DIDO1: variants seen among roughly 807,000 people sequenced by gnomAD.
DIDO1 encodes the protein death-inducer obliterator 1.
Under a neutral mutation model 99.4 loss-of-function variants are expected in DIDO1, and 16 were observed. The observed-to-expected ratio is 0.16, with a 90% CI of 0.11 to 0.24. DIDO1 has a LOEUF of 0.24. DIDO1 is among the 10% of genes least tolerant of loss of function. The pLI, the probability that DIDO1 is intolerant of heterozygous loss-of-function variation, is 1.00. For synonymous variants in DIDO1, 1,366 were observed against 1,239.1 expected (o/e 1.10, Z -2.15); for missense variants, 2,996 against 3,014.0 (o/e 0.99, Z 0.14).
chr20:62,900,087 G>A (rs972316206), intron 6 of DIDO1, among the ~76,000 whole-genome samples: 3 of 152,198 alleles, frequency 2.0e-5, no homozygotes, highest in African/African-American at 7.2e-5. Context: ...CTCTGTCAGG[G>A]TACGAGCCTC....
intron 2 of DIDO1, among the ~76,000 whole-genome samples, chr20:62,912,761 G>C (rs548672732): frequency 6.6e-6 from 1 of 152,374 alleles, no homozygotes; most frequent in South Asian, 2.1e-4. Flanking sequence ...GCCGGGCCTG[G>C]TGGCTCAAGC....
intron 1 of DIDO1, among the ~76,000 whole-genome samples, chr20:62,925,848 C>G (rs1039529631): frequency 1.3e-5 from 2 of 152,206 alleles, no homozygotes; most frequent in Non-Finnish European, 2.9e-5. Flanking sequence ...AAAACCAGCG[C>G]GGGGAGGTAA....
At position 62,896,642 on chromosome 20, in the gene DIDO1, A is replaced by G. The variant is rs2064531857; in HGVS notation, c.1943T>C (p.Met648Thr). The G allele has an allele frequency of 1.2e-6, 2 of 1,614,032 alleles. No individual in the cohort carries two copies. The highest frequency in any genetic ancestry group is 1.7e-6 in the Non-Finnish European group (2 of 1,179,914). ...VRKPVVPSVP[M>T]ASPAPGRLGA... ...AAGGCGTCCTGGGGCTGGCGAGGCC[A>G]TTGGAACAGAAGGTACCACTGGCTT... The change falls in exon 7 of 16, where the codon ATG (methionine) becomes ACG (threonine). Residue 648 changes from methionine (M) to threonine (T), a missense_variant. Physicochemically the swap from Met to Thr is moderately conservative, Grantham distance 81. Around this residue, in one of 5 missense-constraint regions of DIDO1, gnomAD observed 898 missense variants for 972.7 expected, o/e 0.92. Transcript: ENST00000395343. This position sits in a 1 kb window ranked among gnomAD's most constrained non-coding sequence, Gnocchi z 4.4.
At chr20:62,926,905 G>A (rs1395496042), upstream of DIDO1, among the ~76,000 whole-genome samples, 1 of 152,190 alleles carries the variant, frequency 6.6e-6, no homozygotes, top group African/African-American at 2.4e-5. Flanking sequence ...AAGAGGTGTA[G>A]GGGGGCGGGG....
At position 62,893,714 on chromosome 20, in the gene DIDO1, G is replaced by A. The variant is rs901923946; in HGVS notation, c.3053C>T (p.Ser1018Leu). The A allele has an allele frequency of 2.5e-6, 4 of 1,612,460 alleles. No homozygotes were observed. Among genetic ancestry groups the A allele is most frequent in the Non-Finnish European group, 3.4e-6 (4 of 1,178,562 alleles). ...TGACAGGTATCTTGGGTCAGGAGAT[G>A]AGGATGGCTTAGCTAGTATGGACTT... ...VPKSILAKPS[S>L]SPDPRYLSVP... The change falls in exon 12 of 16, where the codon TCA becomes TTA. Residue 1018 changes from serine to leucine, a missense_variant. This residue lies in a region of DIDO1 where 898 missense variants were observed against 972.7 expected (regional missense o/e 0.92). Transcript: ENST00000395343.
rs190741732 is a variant in DIDO1 at position 62,919,307 on chromosome 20, G to A, written c.-199-4901C>T. On this transcript the variant is annotated intron_variant, in intron 1 of 15. Transcript: ENST00000395343. ...TCATGCCTGCACTTCGGGAGGCTGA[G>A]GCAGGTGGATCACCTGAGGTCAGGA... 2.0e-5 allele frequency among the ~76,000 whole-genome samples: 3 copies of A among 152,318 alleles called. No individual in the cohort carries two copies. In the East Asian group the frequency reaches 5.8e-4, roughly 29 times the overall value.
chr20:62,894,101 C>T lies in DIDO1; in HGVS notation c.2666G>A (p.Ser889Asn). 1.2e-6 allele frequency: 2 copies of T among 1,614,234 alleles called. No individual in the cohort carries two copies. Among genetic ancestry groups the T allele is most frequent in the East Asian group, 2.2e-5 (1 of 44,894 alleles). Reference sequence around the variant, plus strand: ...ATCCGGAGCTGGGTCAGGTGCAGAGCTGTCATGCTTTGATTTTAAGTCTTC... The same window carrying T: ...ATCCGGAGCTGGGTCAGGTGCAGAGTTGTCATGCTTTGATTTTAAGTCTTC... ...KKEDLKSKHD[S>N]SAPDPAPDSA... Residue 889 changes from serine to asparagine, a missense_variant, in exon 12 of 16, where the codon AGC (serine) becomes AAC (asparagine). Physicochemically the swap from Ser to Asn is conservative, Grantham distance 46 (BLOSUM62 1). Around this residue, in one of 5 missense-constraint regions of DIDO1, gnomAD observed 898 missense variants for 972.7 expected, o/e 0.92. Coordinates refer to ENST00000395343, the MANE Select transcript of DIDO1 (RefSeq NM_001193369.2). This position sits in a 1 kb window ranked among gnomAD's most constrained non-coding sequence, Gnocchi z 4.4.
intron 6 of DIDO1, among the ~76,000 whole-genome samples, chr20:62,898,392 CTCCT>C (rs1331230140): frequency 1.3e-5 from 2 of 152,230 alleles, no homozygotes; most frequent in Non-Finnish European, 2.9e-5. Context: ...ATAAGTACAA[CTCCT>C]TCCATTTTTA....
At chr20:62,916,441 G>C (rs1416691477) in intron 1 of DIDO1, among the ~76,000 whole-genome samples, 1 of 152,120 alleles carries the variant, frequency 6.6e-6, no homozygotes, top group African/African-American at 2.4e-5. Flanking sequence ...CAAACCTTTT[G>C]TCTCAAGACA....
At chr20:62,904,439 C>T (rs1443095544) in intron 6 of DIDO1, among the ~76,000 whole-genome samples, 1 of 152,056 alleles carries the variant, frequency 6.6e-6, no homozygotes. Flanking sequence ...ATGATCAAAA[C>T]GAGGGACATA....
chr20:62,912,518 T>C (rs974484877), intron 2 of DIDO1, among the ~76,000 whole-genome samples: 3 of 152,264 alleles, frequency 2.0e-5, no homozygotes, highest in African/African-American at 7.2e-5. Flanking sequence ...TTTTCTGTAT[T>C]ATTTTTCACT....
intron 6 of DIDO1, among the ~76,000 whole-genome samples, chr20:62,901,700 G>T (rs964497591): frequency 2.6e-5 from 4 of 151,576 alleles, no homozygotes; most frequent in African/African-American, 9.7e-5. Flanking sequence ...TGCGGCAAAT[G>T]AAAGTTGCCG....
In DIDO1 at chr20:62,907,303, C is replaced by A; in HGVS notation, c.1218G>T (p.Ala406=). The A allele has an allele frequency of 6.2e-7, 1 of 1,614,220 alleles. No individual in the cohort carries two copies. Among genetic ancestry groups the A allele is most frequent in the Non-Finnish European group, 8.5e-7 (1 of 1,180,052 alleles). The part of the protein sequence containing the change: ...KCIGPGCCHV[A]QPDSVYCSND... ...TACTGCAGTACACCGAGTCGGGCTGCGCCACGTGACAGCACCCGGGGCCAA... is the reference window on the plus strand; with the variant it reads ...TACTGCAGTACACCGAGTCGGGCTGAGCCACGTGACAGCACCCGGGGCCAA... Residue 406 remains alanine (A), a synonymous_variant, in exon 5 of 16, where the codon GCG becomes GCT. Transcript: ENST00000395343.
Position 62,892,947 on chromosome 20 carries a change from A to C in DIDO1, c.3117T>G (p.Arg1039=), listed in dbSNP as rs756451934. 80 of 1,612,682 alleles carry C rather than the reference A, an allele frequency of 5.0e-5. 1 individual carries two copies. The highest frequency in any genetic ancestry group is 8.5e-7 in the Non-Finnish European group (1 of 1,179,068). ...PSPNISTSES[R]SPPEGDTTLF... ...GGGTCGTGTCTCCCTCTGGAGGGGA[A>C]CGTGATTCTGAAGTGCTGTAAAACA... The change falls in exon 13 of 16, where the codon CGT becomes CGG. Residue 1039 remains arginine (R), a synonymous_variant. Coordinates refer to ENST00000395343, the MANE Select transcript of DIDO1 (RefSeq NM_001193369.2).
intron 15 of DIDO1, chr20:62,887,610 C>T (rs1008763989): frequency 1.0e-5 from 10 of 985,420 alleles, no homozygotes; most frequent in Admixed American, 1.2e-4. Flanking sequence ...CCGAGGCCTG[C>T]GGCTTCACGC....
Position 62,894,567 on chromosome 20 carries a change from A to T in DIDO1, c.2437-19T>A. ...GCTGTTCCTAAAAAAGAAAAAGAAA[A>T]AAAAGTGAGGTCGTTTCTTCTCCAA... On this transcript the variant is annotated intron_variant, in intron 10 of 15. Coordinates refer to ENST00000395343, the MANE Select transcript of DIDO1 (RefSeq NM_001193369.2). This position sits in a 1 kb window ranked among gnomAD's most constrained non-coding sequence, Gnocchi z 4.4. 1 of 1,602,598 alleles carries T rather than the reference A, an allele frequency of 6.2e-7. No homozygotes were observed. Among genetic ancestry groups the T allele is most frequent in the South Asian group, 1.1e-5 (1 of 90,768 alleles).
chr20:62,934,049 A>C (rs1390778887), intron 1 of DIDO1, among the ~76,000 whole-genome samples: 1 of 152,136 alleles, frequency 6.6e-6, no homozygotes, highest in Non-Finnish European at 1.5e-5. Context: ...TCTCATCCAC[A>C]TGCCCACCTC....
chr20:62,907,463 C>A, intron 4 of DIDO1, 104 bp from the exon 5 acceptor site: 1 of 1,075,220 alleles, frequency 9.3e-7, no homozygotes, highest in South Asian at 1.4e-5. Flanking sequence ...GCCACAGTTT[C>A]AAAATGAGAT....
chr20:62,917,948 A>C (rs1265640348), intron 1 of DIDO1, among the ~76,000 whole-genome samples: 2 of 152,216 alleles, frequency 1.3e-5, no homozygotes, highest in African/African-American at 4.8e-5. Flanking sequence ...TCCATGAAAC[A>C]CAAAGAACTG....
Sources: gnomAD v4.1 joint callset for allele counts (sites outside exome capture counted in the v4.1 genomes callset) on GRCh38, gnomAD v4.1.1 for gene constraint, gnomAD v4.1.1 regional missense constraint, Gnocchi (gnomAD v3.1) non-coding constraint, MANE v1.5 for transcripts, NCBI Gene and HGNC (gene_info 2026-07-23, HGNC 2026-07-21) for gene names.